Variants in C3orf33 observed in about 807,000 individuals in gnomAD.
C3orf33 encodes mitochondrial inner membrane subdomain organizer 1.
Under a neutral mutation model 28.7 loss-of-function variants are expected in C3orf33, and 23 were observed. That is an observed-to-expected ratio of 0.80 (90% confidence interval 0.58 to 1.13). C3orf33 has a LOEUF of 1.13. Among genes scored for constraint, C3orf33 ranks in the 50% most tolerant of loss-of-function variants. C3orf33 has a pLI of 0.00. For synonymous variants in C3orf33, 119 were observed against 120.5 expected (o/e 0.99, Z 0.08); for missense variants, 327 against 353.4 (o/e 0.93, Z 0.60).
chr3:155,773,793 G>A (rs992179250), intron 3 of C3orf33, among the ~76,000 whole-genome samples: 6 of 152,214 alleles, frequency 3.9e-5, no homozygotes, highest in African/African-American at 1.4e-4. Context: ...ATTACTATCA[G>A]ATAGGAGAGA....
At chr3:155,789,394 A>G (rs1751244103) in intron 2 of C3orf33, among the ~76,000 whole-genome samples, 1 of 152,110 alleles carries the variant, frequency 6.6e-6, no homozygotes, top group South Asian at 2.1e-4. Context: ...ACAAAGAATA[A>G]AATAATTAGG....
chr3:155,796,626 G>A (rs1483215421), intron 2 of C3orf33, among the ~76,000 whole-genome samples: 2 of 152,044 alleles, frequency 1.3e-5, no homozygotes, highest in East Asian at 1.9e-4. Context: ...CTACTCAAAT[G>A]ATTCAAAAAA....
At chr3:155,799,467 T>A (rs1054742282) in intron 2 of C3orf33, among the ~76,000 whole-genome samples, 2 of 152,024 alleles carry the variant, frequency 1.3e-5, no homozygotes, top group African/African-American at 4.8e-5. Flanking sequence ...GGCAGGCAGA[T>A]CACTTGAGCC....
chr3:155,774,821 G>A (rs758401040), intron 3 of C3orf33, among the ~76,000 whole-genome samples: 4 of 152,012 alleles, frequency 2.6e-5, no homozygotes, highest in Non-Finnish European at 5.9e-5. Context: ...AATCACAGGA[G>A]TCTTGGTATG....
At chr3:155,802,734 A>G (rs1388832638) in intron 1 of C3orf33, 143 bp from the exon 2 acceptor site, 2 of 581,844 alleles carry the variant, frequency 3.4e-6, no homozygotes, top group East Asian at 3.2e-5. Context: ...ATAAAGGCCC[A>G]CTTCTTCAAA....
At chr3:155,781,273 T>A (rs569024687) in intron 2 of C3orf33, among the ~76,000 whole-genome samples, 2 of 152,160 alleles carry the variant, frequency 1.3e-5, no homozygotes, top group Admixed American at 1.3e-4. Context: ...CCCAATAGAC[T>A]TCTTATGACT....
intron 4 of C3orf33, among the ~76,000 whole-genome samples, chr3:155,766,742 A>G: frequency 6.6e-6 from 1 of 152,162 alleles, no homozygotes; most frequent in East Asian, 1.9e-4. Flanking sequence ...TGAGGTCAGG[A>G]GTTCGAGACC....
chr3:155,778,029 A>G (rs1036964843), intron 2 of C3orf33, among the ~76,000 whole-genome samples: 3 of 149,610 alleles, frequency 2.0e-5, no homozygotes, highest in African/African-American at 7.3e-5. Flanking sequence ...GCGTACTTGT[A>G]GTCCCAGCTA....
chr3:155,795,399 T>C (rs1440322472), intron 2 of C3orf33, among the ~76,000 whole-genome samples: 1 of 151,822 alleles, frequency 6.6e-6, no homozygotes, highest in African/African-American at 2.4e-5. Context: ...GAGGTTGGAG[T>C]GAGCCGAGAG....
chr3:155,804,069 A>C (rs1751744619), intron 1 of C3orf33: 1 of 286,408 alleles, frequency 3.5e-6, no homozygotes, highest in South Asian at 2.7e-5. Flanking sequence ...CCAGCTACTC[A>C]GGAGGGTGAG....
chr3:155,770,873 C>T (rs1428900663), intron 3 of C3orf33, among the ~76,000 whole-genome samples: 2 of 151,914 alleles, frequency 1.3e-5, no homozygotes, highest in Non-Finnish European at 2.9e-5. Context: ...GGGGTTTTGC[C>T]GTATTTGCCA....
intron 2 of C3orf33, among the ~76,000 whole-genome samples, chr3:155,779,481 G>A (rs1000755693): frequency 2.0e-5 from 3 of 152,118 alleles, no homozygotes; most frequent in Non-Finnish European, 2.9e-5. Context: ...TTTAAGTAGA[G>A]ACAAGGTTTC....
At chr3:155,772,391 G>A (rs1031071801) in intron 3 of C3orf33, among the ~76,000 whole-genome samples, 1 of 152,016 alleles carries the variant, frequency 6.6e-6, no homozygotes. Flanking sequence ...TCATGAGATG[G>A]GTGGGAAACT....
chr3:155,792,547 C>T (rs965362529), intron 2 of C3orf33, among the ~76,000 whole-genome samples: 6 of 152,034 alleles, frequency 3.9e-5, no homozygotes, highest in Non-Finnish European at 4.4e-5. Context: ...AGAGAATATT[C>T]GAAATGGCTG....
intron 3 of C3orf33, among the ~76,000 whole-genome samples, chr3:155,768,271 C>T (rs1223627806): frequency 6.6e-6 from 1 of 152,190 alleles, no homozygotes; most frequent in Non-Finnish European, 1.5e-5. Flanking sequence ...TATTTTTACA[C>T]ATACACACAT....
intron 2 of C3orf33, among the ~76,000 whole-genome samples, chr3:155,778,160 A>C (rs1000819889): frequency 6.6e-6 from 1 of 151,660 alleles, no homozygotes; most frequent in African/African-American, 2.4e-5. Context: ...AAAAAAAAAA[A>C]AAACAAGTAG....
chr3:155,795,413 G>A lies in C3orf33; in HGVS notation c.174+7119C>T, dbSNP rs571858691. 2.0e-5 allele frequency among the ~76,000 whole-genome samples: 3 copies of A among 152,154 alleles called. No homozygotes were observed. The East Asian group carries it at 5.8e-4, about 30-fold the overall frequency. On this transcript the variant is annotated intron_variant, in intron 2 of 4. Transcript: ENST00000340171. ...GGAGGTTGGAGTGAGCCGAGAGCGT[G>A]CCACTGCACTCCAGCCTGGGTAACA...
At chr3:155,799,881 G>T (rs1346209772) in intron 2 of C3orf33, among the ~76,000 whole-genome samples, 5 of 152,126 alleles carry the variant, frequency 3.3e-5, no homozygotes, top group African/African-American at 1.2e-4. Flanking sequence ...TGAATTCATG[G>T]AGACAGAGAG....
intron 2 of C3orf33, among the ~76,000 whole-genome samples, chr3:155,800,610 C>CAA (rs58092818): frequency 0.012 from 192 of 15,628 alleles, 39 homozygotes; most frequent in African/African-American, 0.019. Context: ...ACCTTATCTC[C>CAA]AAAAAAAAAA....
Sources: allele counts gnomAD v4.1 joint callset (sites outside exome capture counted in the v4.1 genomes callset), GRCh38; gene constraint gnomAD v4.1.1; transcripts MANE v1.5; gene names NCBI Gene and HGNC (gene_info 2026-07-23, HGNC 2026-07-21).